The following COLEC12 variants were observed in gnomAD, a reference collection of about 807,000 sequenced individuals.
COLEC12 encodes collectin subfamily member 12.
In COLEC12, 33 loss-of-function variants were observed where a neutral mutation model predicts 71.1. The ratio of observed to expected loss-of-function variants is 0.46; its 90% CI spans 0.35 to 0.62. The LOEUF (loss-of-function observed/expected upper bound fraction) is 0.62. Ranked by LOEUF, COLEC12 falls within the 20% of genes least tolerant of loss-of-function variation. COLEC12 has a pLI of 0.00. For missense variants in COLEC12, 765 were observed against 916.1 expected, an observed-to-expected ratio of 0.84 and a Z score of 2.13; for synonymous variants, 350 against 353.0, an observed-to-expected ratio of 0.99 and a Z score of 0.10.
intron 2 of COLEC12, among the ~76,000 whole-genome samples, chr18:472,996 T>A (rs1374152969): frequency 6.6e-6 from 1 of 152,054 alleles, no homozygotes; most frequent in African/African-American, 2.4e-5. Context: ...CTGGCCCCCA[T>A]ATATATTATG....
At chr18:348,337 G>A (rs1914432386) in intron 3 of COLEC12, among the ~76,000 whole-genome samples, 174 bp from the exon 4 acceptor site, 1 of 152,174 alleles carries the variant, frequency 6.6e-6, no homozygotes, top group African/African-American at 2.4e-5. Flanking sequence ...TAACTTACTT[G>A]TCACAAAACC....
chr18:369,403 T>A (rs1030004945), intron 2 of COLEC12, among the ~76,000 whole-genome samples: 6 of 134,478 alleles, frequency 4.5e-5, no homozygotes, highest in Admixed American at 1.4e-4. Flanking sequence ...TTTTATTTTT[T>A]TTTATTTTTA....
intron 2 of COLEC12, among the ~76,000 whole-genome samples, chr18:412,599 A>G (rs1286585111): frequency 1.3e-5 from 2 of 151,742 alleles, no homozygotes; most frequent in Non-Finnish European, 2.9e-5. Context: ...TTTCTAAATT[A>G]TGCTTGATGA....
Position 335,023 on chromosome 18 carries a change from C to G in COLEC12, c.1535G>C (p.Gly512Ala). The G allele has an allele frequency of 6.3e-7, 1 of 1,590,514 alleles. No individual in the cohort carries two copies. The highest frequency in any genetic ancestry group is 2.3e-5 in the East Asian group (1 of 44,230). ...KGSQGPKGSR[G>A]SPGKPGPQGS... ...CTGAGGGCCGGGCTTCCCAGGGGAA[C>G]CACGGGAGCCTTTGGGGCCCTGGGA... The change falls in exon 6 of 10, where the codon GGT becomes GCT. Residue 512 changes from glycine (G) to alanine (A), a missense_variant. Coordinates refer to ENST00000400256, the MANE Select transcript of COLEC12 (RefSeq NM_130386.3).
chr18:435,325 C>T (rs1391433633), intron 2 of COLEC12, among the ~76,000 whole-genome samples: 1 of 152,156 alleles, frequency 6.6e-6, no homozygotes, highest in Non-Finnish European at 1.5e-5. Context: ...AGGAAACTTA[C>T]AATCATGGCA....
chr18:433,499 C>T (rs747652932), intron 2 of COLEC12, among the ~76,000 whole-genome samples: 2 of 152,108 alleles, frequency 1.3e-5, no homozygotes, highest in Non-Finnish European at 2.9e-5. Flanking sequence ...ACTCCTGTGG[C>T]AACTAGACCA....
Position 480,497 on chromosome 18 carries a change from G to A in COLEC12, c.58+210C>T, listed in dbSNP as rs999851284. 2.6e-5 allele frequency among the ~76,000 whole-genome samples: 4 copies of A among 152,124 alleles called. No individual in the cohort carries two copies. Among genetic ancestry groups the A allele is most frequent in the Middle Eastern group, 3.4e-3 (1 of 294 alleles). ...ACATCCCATCACTTCCCCATGCCTG[G>A]GTGCAGCTCCTGTCCCATGGCCCCT... is the stretch of plus-strand genomic sequence containing the variant. On this transcript the variant is annotated intron_variant, in intron 2 of 9. Coordinates refer to ENST00000400256, the MANE Select transcript of COLEC12 (RefSeq NM_130386.3). This position sits in a 1 kb window ranked among gnomAD's most constrained non-coding sequence, Gnocchi z 4.1.
At chr18:361,091 A>G (rs1914734318) in intron 2 of COLEC12, among the ~76,000 whole-genome samples, 1 of 152,212 alleles carries the variant, frequency 6.6e-6, no homozygotes, top group African/African-American at 2.4e-5. Flanking sequence ...CAATTCAGTC[A>G]CAGGCCTTGT....
At chr18:420,988 C>T (rs1199959974) in intron 2 of COLEC12, among the ~76,000 whole-genome samples, 1 of 152,162 alleles carries the variant, frequency 6.6e-6, no homozygotes, top group Non-Finnish European at 1.5e-5. Context: ...TTAGACCTAT[C>T]GGAAATTATT....
chr18:362,164 T>C lies in COLEC12; in HGVS notation c.59-4642A>G, dbSNP rs1005905752. Reference sequence around the variant, plus strand: ...CTGGTGCATGTGGTATTCGTGCAGATCCAAGCCCGGACAGCTGTCACTGGT... The same window carrying C: ...CTGGTGCATGTGGTATTCGTGCAGACCCAAGCCCGGACAGCTGTCACTGGT... On this transcript the variant is annotated intron_variant, in intron 2 of 9. Transcript: ENST00000400256. The surrounding 1 kb of genome is among the most constrained non-coding windows in gnomAD (Gnocchi z 4.6). 6.6e-6 allele frequency among the ~76,000 whole-genome samples: 1 copy of C among 152,140 alleles called. No homozygotes were observed. The highest frequency in any genetic ancestry group is 1.5e-5 in the Non-Finnish European group (1 of 68,020).
intron 2 of COLEC12, among the ~76,000 whole-genome samples, chr18:477,136 C>T (rs1329654294): frequency 2.0e-5 from 3 of 152,182 alleles, no homozygotes; most frequent in African/African-American, 4.8e-5. Flanking sequence ...CCTGAGTAAA[C>T]AAGGGGTGAC....
At chr18:432,623 C>T (rs1251607415) in intron 2 of COLEC12, among the ~76,000 whole-genome samples, 1 of 152,160 alleles carries the variant, frequency 6.6e-6, no homozygotes, top group Non-Finnish European at 1.5e-5. Context: ...ATGCAGAAAA[C>T]TTCTTCCAGC....
intron 2 of COLEC12, among the ~76,000 whole-genome samples, chr18:380,448 C>T (rs1187685647): frequency 6.6e-6 from 1 of 151,100 alleles, no homozygotes; most frequent in African/African-American, 2.4e-5. Context: ...GCCATCCCAT[C>T]ATGCTAATCA....
In COLEC12 at chr18:362,454, C is replaced by T. The variant is rs754788829; in HGVS notation, c.59-4932G>A. On this transcript the variant is annotated intron_variant, in intron 2 of 9. Transcript: ENST00000400256. This position sits in a 1 kb window ranked among gnomAD's most constrained non-coding sequence, Gnocchi z 4.6. ...CCTGCTGGCTCCTGTAGCTGGGGCA[C>T]CCCCTCCTCCTTGAACCTAGATGGT... is the stretch of plus-strand genomic sequence containing the variant. Among the ~76,000 whole-genome samples, 2 of 152,266 alleles carry T rather than the reference C, an allele frequency of 1.3e-5. No individual in the cohort carries two copies. Among genetic ancestry groups the T allele is most frequent in the Non-Finnish European group, 2.9e-5 (2 of 68,026 alleles).
chr18:363,669 G>A (rs1469937797), intron 2 of COLEC12, among the ~76,000 whole-genome samples: 2 of 152,096 alleles, frequency 1.3e-5, no homozygotes, highest in African/African-American at 4.8e-5. Context: ...AACAATAAGA[G>A]TTAACAACCC....
intron 1 of COLEC12, among the ~76,000 whole-genome samples, chr18:498,915 T>C (rs1024735658): frequency 6.6e-6 from 1 of 152,130 alleles, no homozygotes; most frequent in Admixed American, 6.5e-5. Flanking sequence ...GCAATAGCGG[T>C]CCTTTACCCA....
rs1283344113 is a variant in COLEC12, at chr18:319,584, TTAAGTA to T, written c.*455_*460del. On this transcript the variant is annotated 3_prime_UTR_variant, in exon 10 of 10. Transcript: ENST00000400256. ...AAAAATACAAAGTTTTAAAAGCTCTTTAAGTATATTTCATATTATTACTAATAGTTG... is the reference window on the plus strand; with the variant it reads ...AAAAATACAAAGTTTTAAAAGCTCTTTATTTCATATTATTACTAATAGTTG... 6.5e-6 allele frequency: 1 copy of T among 152,784 alleles called. No individual in the cohort carries two copies. The highest frequency in any genetic ancestry group is 1.5e-5 in the Non-Finnish European group (1 of 68,466). 9.5% of individuals were successfully genotyped at this position (152,784 alleles called of 1,614,324 possible).
At chr18:347,888 C>A (rs1914420952) in intron 4 of COLEC12, among the ~76,000 whole-genome samples, 177 bp downstream of exon 4, 1 of 152,014 alleles carries the variant, frequency 6.6e-6, no homozygotes, top group African/African-American at 2.4e-5. Context: ...CCAAAACTGA[C>A]CCTTAACTTT....
At chr18:472,470 G>C (rs1340880918) in intron 2 of COLEC12, among the ~76,000 whole-genome samples, 2 of 152,058 alleles carry the variant, frequency 1.3e-5, no homozygotes, top group Admixed American at 6.6e-5. Flanking sequence ...TTTGAGGCCA[G>C]GAGTTTGAAA....
Sources: gnomAD v4.1 joint callset for allele counts (sites outside exome capture counted in the v4.1 genomes callset) on GRCh38, gnomAD v4.1.1 for gene constraint, Gnocchi (gnomAD v3.1) non-coding constraint, MANE v1.5 for transcripts, NCBI Gene and HGNC (gene_info 2026-07-23, HGNC 2026-07-21) for gene names.